ADCY10: variants seen among roughly 807,000 people sequenced by gnomAD.
ADCY10 encodes adenylate cyclase type 10.
Under a neutral mutation model 183.3 loss-of-function variants are expected in ADCY10, and 156 were observed. The observed-to-expected ratio is 0.85, with a 90% confidence interval of 0.75 to 0.97. The LOEUF is 0.97. Ranked by LOEUF, ADCY10 falls within the 50% of genes least tolerant of loss-of-function variation. ADCY10 has a pLI of 0.00. For missense variants in ADCY10, 1,745 were observed against 1,934.3 expected (o/e 0.90, Z 1.84); for synonymous variants, 645 against 670.0 (o/e 0.96, Z 0.58).
At chr1:167,888,844 C>T (rs1445543218) in intron 8 of ADCY10, among the ~76,000 whole-genome samples, 1 of 77,728 alleles carries the variant, frequency 1.3e-5, no homozygotes, top group Admixed American at 1.4e-4. Flanking sequence ...CAACTGCAGT[C>T]CAGCCTGGGC....
At chr1:167,913,220 T>TA (rs1170329333) in intron 1 of ADCY10, among the ~76,000 whole-genome samples, 11 of 152,098 alleles carry the variant, frequency 7.2e-5, no homozygotes, top group Non-Finnish European at 1.5e-4. Context: ...GCCCGAAAGA[T>TA]AAACCAAGAA....
chr1:167,866,727 C>T (rs203809), intron 14 of ADCY10, among the ~76,000 whole-genome samples: 8,120 of 142,174 alleles, frequency 0.057, 678 homozygotes, highest in African/African-American at 0.2. Context: ...CAGTCTAGTC[C>T]ACAGATATAA....
chr1:167,883,644 C>T lies in ADCY10; in HGVS notation c.829-16G>A. On this transcript the variant is annotated splice_polypyrimidine_tract_variant and intron_variant, in intron 8 of 32. Coordinates refer to ENST00000367851, the MANE Select transcript of ADCY10 (RefSeq NM_018417.6). ...TGTTATCAATCTGCAAAGTAGAGAG[C>T]AGCTTTCTGTAGGTGTCCTTGGCAG... 4 of 1,614,064 alleles carry T rather than the reference C, an allele frequency of 2.5e-6. No individual in the cohort carries two copies. The highest frequency in any genetic ancestry group is 1.3e-5 in the African/African-American group (1 of 75,048).
intron 31 of ADCY10, among the ~76,000 whole-genome samples, chr1:167,814,535 A>C (rs1662405598): frequency 6.9e-6 from 1 of 143,894 alleles, no homozygotes; most frequent in Non-Finnish European, 1.6e-5. Context: ...GACAAAATTA[A>C]AGGTAGAAAT....
At chr1:167,869,887 C>T (rs1036114798) in intron 14 of ADCY10, among the ~76,000 whole-genome samples, 2 of 152,084 alleles carry the variant, frequency 1.3e-5, no homozygotes, top group African/African-American at 2.4e-5. Context: ...GTTTTGTCTG[C>T]AGCTGGTCCT....
intron 13 of ADCY10, among the ~76,000 whole-genome samples, chr1:167,871,333 G>A (rs116723489): frequency 0.011 from 1,599 of 152,134 alleles, 25 homozygotes; most frequent in African/African-American, 0.035. Context: ...TATCATAAGA[G>A]CAACTTAAAT....
chr1:167,855,453 A>G (rs1052715941), intron 17 of ADCY10, among the ~76,000 whole-genome samples: 19 of 152,322 alleles, frequency 1.2e-4, no homozygotes, highest in African/African-American at 4.6e-4. Context: ...GAGAACACCA[A>G]TACCAGACCA....
At chr1:167,912,426 C>T (rs1193816823) in intron 1 of ADCY10, among the ~76,000 whole-genome samples, 2 of 152,206 alleles carry the variant, frequency 1.3e-5, no homozygotes, top group Non-Finnish European at 2.9e-5. Context: ...CATACTCCCA[C>T]GTGTGTAGAA....
At chr1:167,853,198 G>A (rs921080777) in intron 18 of ADCY10, among the ~76,000 whole-genome samples, 2 of 152,024 alleles carry the variant, frequency 1.3e-5, no homozygotes, top group Non-Finnish European at 2.9e-5. Flanking sequence ...AATACACGTC[G>A]TGCTTATAGC....
intron 5 of ADCY10, among the ~76,000 whole-genome samples, chr1:167,900,076 C>T (rs1669287048): frequency 6.6e-6 from 1 of 152,200 alleles, no homozygotes; most frequent in African/African-American, 2.4e-5. Flanking sequence ...TTGACAGTTA[C>T]ACATCCCATC....
At chr1:167,842,942 G>A (rs1042396045) in intron 21 of ADCY10, among the ~76,000 whole-genome samples, 1 of 152,216 alleles carries the variant, frequency 6.6e-6, no homozygotes, top group East Asian at 1.9e-4. Flanking sequence ...TACTGAAGGT[G>A]TGTGGGACGG....
chr1:167,833,107 A>C lies in ADCY10; in HGVS notation c.3473T>G (p.Leu1158Arg), dbSNP rs1359237812. Residue 1158 changes from leucine (L) to arginine (R), a missense_variant, in exon 25 of 33, where the codon CTG (leucine) becomes CGG (arginine). Transcript: ENST00000367851. The stretch of plus-strand genomic sequence containing the variant: ...AGGAAAGATTCGGTTGAGGAGCTTC[A>C]GTGCCTTCCTCAGCATTTTCTTGGC... ...VLAKKMLRKA[L>R]KLLNRIFPYN... is the part of the protein sequence containing the mutation. The C allele has an allele frequency of 6.2e-7, 1 of 1,614,172 alleles. No homozygotes were observed. Among genetic ancestry groups the C allele is most frequent in the East Asian group, 2.2e-5 (1 of 44,876 alleles).
At chr1:167,833,909 ACTT>A (rs1258312403) in intron 24 of ADCY10, 58 bp downstream of exon 24, 3 of 1,308,240 alleles carry the variant, frequency 2.3e-6, no homozygotes, top group Middle Eastern at 1.9e-4. Flanking sequence ...GATGACTTCT[ACTT>A]CTATGGAAAG....
Position 167,883,430 on chromosome 1 carries a change from C to A in ADCY10, c.1020+7G>T. 1 of 1,614,178 alleles carries A rather than the reference C, an allele frequency of 6.2e-7. No homozygotes were observed. On this transcript the variant is annotated splice_region_variant and intron_variant, in intron 9 of 32. Coordinates refer to ENST00000367851, the MANE Select transcript of ADCY10 (RefSeq NM_018417.6). ...TGGTAGGTTCCCATCCCATAGTTCA[C>A]ACTTACCTTGTCAAACATGAAGACT... is the stretch of plus-strand genomic sequence containing the variant.
At chr1:167,892,499 TCA>T (rs1465583821) in intron 8 of ADCY10, among the ~76,000 whole-genome samples, 2 of 152,232 alleles carry the variant, frequency 1.3e-5, no homozygotes, top group African/African-American at 4.8e-5. Context: ...TCCCAGTGAC[TCA>T]CAGAGTCCAT....
At chr1:167,869,301 C>T (rs1321412127) in intron 14 of ADCY10, among the ~76,000 whole-genome samples, 1 of 152,112 alleles carries the variant, frequency 6.6e-6, no homozygotes, top group African/African-American at 2.4e-5. Flanking sequence ...CCTTAGTTCA[C>T]CAAAATGCCT....
chr1:167,820,156 C>T (rs775233052), intron 30 of ADCY10: 177 of 1,545,606 alleles, frequency 1.1e-4, no homozygotes, highest in Admixed American at 5.0e-4. Flanking sequence ...TAATTTCCTG[C>T]CCCGCAGATT....
At chr1:167,913,024 A>G in intron 1 of ADCY10, among the ~76,000 whole-genome samples, 1 of 152,340 alleles carries the variant, frequency 6.6e-6, no homozygotes, top group East Asian at 1.9e-4. Flanking sequence ...TATATGACCT[A>G]GACAAAAGAT....
chr1:167,855,180 C>A lies in ADCY10; in HGVS notation c.2172-691G>T, dbSNP rs544337105. Among the ~76,000 whole-genome samples, 561 of 152,116 alleles carry A rather than the reference C, an allele frequency of 3.7e-3. 4 individuals are homozygous for A. The highest frequency in any genetic ancestry group is 0.012 in the African/African-American group (488 of 41,492). ...TACTAAAAATACAAAATTAGCTGGG[C>A]GTAGTGGGGCATGCCTGCAATCCCA... On this transcript the variant is annotated intron_variant, in intron 17 of 32. Coordinates refer to ENST00000367851, the MANE Select transcript of ADCY10 (RefSeq NM_018417.6).
Sources: allele counts gnomAD v4.1 joint callset (sites outside exome capture counted in the v4.1 genomes callset), GRCh38; gene constraint gnomAD v4.1.1; transcripts MANE v1.5; gene names NCBI Gene and HGNC (gene_info 2026-07-23, HGNC 2026-07-21).